UNC13B: variants seen among roughly 807,000 people sequenced by gnomAD.
UNC13B encodes the protein protein unc-13 homolog B.
UNC13B carries 144 observed loss-of-function variants against 211.0 expected under a neutral mutation model. That is an observed-to-expected ratio of 0.68 (90% CI 0.60 to 0.78). UNC13B has a LOEUF of 0.78. UNC13B is among the 30% of genes least tolerant of loss of function. The pLI is 0.00. For synonymous variants in UNC13B, 709 were observed against 725.8 expected (o/e 0.98, Z 0.37); for missense variants, 1,777 against 2,002.0 (o/e 0.89, Z 2.14).
Position 35,339,455 on chromosome 9 carries a change from T to G in UNC13B, c.9414+25466T>G, listed in dbSNP as rs568076762. Among the ~76,000 whole-genome samples the G allele has an allele frequency of 5.3e-5, 8 of 152,364 alleles. No homozygotes were observed. In the East Asian group the frequency reaches 1.5e-3, roughly 29 times the overall value. Reference sequence around the variant, plus strand: ...GAGCTAGTCCACTGAGGAGTCCTGATGTCCTTTGGCCATGTGGTGTCTGGC... The same window carrying G: ...GAGCTAGTCCACTGAGGAGTCCTGAGGTCCTTTGGCCATGTGGTGTCTGGC... On this transcript the variant is annotated intron_variant, in intron 11 of 39. Transcript: ENST00000635942.
chr9:35,404,030 C>G lies in UNC13B; in HGVS notation c.13020C>G (p.Ser4340Arg). 2 of 1,612,056 alleles carry G rather than the reference C, an allele frequency of 1.2e-6. No homozygotes were observed. Among genetic ancestry groups the G allele is most frequent in the Non-Finnish European group, 1.7e-6 (2 of 1,179,248 alleles). ...AGTCTCGTTCCACGGAGGAGGGGAG[C>G]TGAACACCTTCGACTCCTGTGCCAA... ...KSESRSTEEGS is the reference protein window; with the variant it reads ...KSESRSTEEGR The change falls in exon 40 of 40, where the codon AGC becomes AGG. Residue 4340 changes from serine to arginine, a missense_variant. Transcript: ENST00000635942.
At chr9:35,257,642 TTGCTAG>T in intron 6 of UNC13B, among the ~76,000 whole-genome samples, 1 of 150,092 alleles carries the variant, frequency 6.7e-6, no homozygotes, top group Admixed American at 6.7e-5. Context: ...ATTGGCAATT[TTGCTAG>T]TGCTATCATA....
chr9:35,327,345 A>G (rs1831074506), intron 11 of UNC13B, among the ~76,000 whole-genome samples: 1 of 152,190 alleles, frequency 6.6e-6, no homozygotes, highest in South Asian at 2.1e-4. Flanking sequence ...GAGAGGAGCC[A>G]GTAGAGGCTC....
At chr9:35,382,311 G>A (rs1834899377) in intron 20 of UNC13B, 46 bp from the exon 21 acceptor site, 2 of 1,566,196 alleles carry the variant, frequency 1.3e-6, no homozygotes, top group African/African-American at 2.7e-5. Context: ...GGCTTTTGCT[G>A]CAAGCCCTGA....
At position 35,376,154 on chromosome 9, in the gene UNC13B, T is replaced by TGGGGCATTGCCCGGC; in HGVS notation, c.9743_9757dup (p.Arg3252_Gln3253insArgGlyIleAlaArg). The stretch of plus-strand genomic sequence containing the variant: ...CTGCTATGAGTGTGAAGGCCTGCTC[T>TGGGGCATTGCCCGGC]GGGGCATTGCCCGGCAGGGCATGCG... On this transcript the variant is annotated inframe_insertion, in exon 15 of 40. Coordinates refer to ENST00000635942, the MANE Select transcript of UNC13B (RefSeq NM_001371189.2). The TGGGGCATTGCCCGGC allele has an allele frequency of 6.2e-7, 1 of 1,614,258 alleles. No individual in the cohort carries two copies. Among genetic ancestry groups the TGGGGCATTGCCCGGC allele is most frequent in the Non-Finnish European group, 8.5e-7 (1 of 1,180,046 alleles).
intron 11 of UNC13B, among the ~76,000 whole-genome samples, chr9:35,355,734 T>C (rs1037998860): frequency 6.6e-6 from 1 of 152,256 alleles, no homozygotes; most frequent in African/African-American, 2.4e-5. Context: ...TCTGAGGCAG[T>C]AATTTCTCAG....
In UNC13B at chr9:35,162,298, C is replaced by G; in HGVS notation, c.15C>G (p.Cys5Trp). The stretch of plus-strand genomic sequence containing the variant: ...GATCCTCGGCCATGTCACTGCTCTG[C>G]GTGCGCGGTGAGTGCGCGGACTGAG... MSLL[C>W]VRVKRAKFQG... is the part of the protein sequence containing the mutation. The change falls in exon 1 of 40, where the codon TGC (cysteine) becomes TGG (tryptophan). Residue 5 changes from cysteine (C) to tryptophan (W), a missense_variant. Cys to Trp is a radical substitution (Grantham distance 215). Transcript: ENST00000635942. The G allele has an allele frequency of 6.5e-7, 1 of 1,542,852 alleles. No individual in the cohort carries two copies. Among genetic ancestry groups the G allele is most frequent in the Non-Finnish European group, 8.7e-7 (1 of 1,149,124 alleles).
At chr9:35,351,819 C>T in intron 11 of UNC13B, 1 of 1,232,266 alleles carries the variant, frequency 8.1e-7, no homozygotes, top group Non-Finnish European at 1.0e-6. Flanking sequence ...GGGTCTGGTT[C>T]TCAGGATCCC....
At chr9:35,211,738 T>A (rs1317014918) in intron 1 of UNC13B, among the ~76,000 whole-genome samples, 2 of 152,236 alleles carry the variant, frequency 1.3e-5, no homozygotes, top group Non-Finnish European at 2.9e-5. Flanking sequence ...TCCCTCATCA[T>A]TACGGCTTAT....
At chr9:35,364,430 C>A in intron 11 of UNC13B, 1 of 1,159,504 alleles carries the variant, frequency 8.6e-7, no homozygotes, top group Non-Finnish European at 1.2e-6. Flanking sequence ...CCGAGGACCT[C>A]TCCCTCTCTT....
chr9:35,340,239 G>A (rs1391689209), intron 11 of UNC13B, among the ~76,000 whole-genome samples: 1 of 152,146 alleles, frequency 6.6e-6, no homozygotes, highest in Non-Finnish European at 1.5e-5. Flanking sequence ...TCCCAACTAG[G>A]TTAGGAGGTA....
intron 7 of UNC13B, among the ~76,000 whole-genome samples, chr9:35,271,829 G>A (rs1827897768): frequency 6.6e-6 from 1 of 152,172 alleles, no homozygotes; most frequent in African/African-American, 2.4e-5. Context: ...ACGAAGGTTT[G>A]GTGAGATGAC....
intron 1 of UNC13B, among the ~76,000 whole-genome samples, chr9:35,226,353 GGTGTGT>G (rs142509730): frequency 2.0e-5 from 3 of 150,442 alleles, no homozygotes; most frequent in Admixed American, 1.3e-4. Flanking sequence ...GAACTGATAG[GGTGTGT>G]GTGTGTGTGT....
intron 7 of UNC13B, among the ~76,000 whole-genome samples, chr9:35,279,072 C>G (rs926313890): frequency 6.6e-6 from 1 of 151,978 alleles, no homozygotes; most frequent in Non-Finnish European, 1.5e-5. Flanking sequence ...TAAAATAAAC[C>G]ATTTTAAATA....
Position 35,398,302 on chromosome 9 carries a change from T to G in UNC13B, c.11832+14T>G. ...GGAGGCAAGGAGGTAGGTCTTAGGGTTTGGGAGTCACTGTATTTTCCCTTT... is the reference window on the plus strand; with the variant it reads ...GGAGGCAAGGAGGTAGGTCTTAGGGGTTGGGAGTCACTGTATTTTCCCTTT... On this transcript the variant is annotated intron_variant, in intron 31 of 39. Coordinates refer to ENST00000635942, the MANE Select transcript of UNC13B (RefSeq NM_001371189.2). 6.2e-7 allele frequency: 1 copy of G among 1,610,238 alleles called. No homozygotes were observed. Among genetic ancestry groups the G allele is most frequent in the East Asian group, 2.2e-5 (1 of 44,750 alleles).
chr9:35,202,040 C>G (rs888772670), intron 1 of UNC13B, among the ~76,000 whole-genome samples: 1 of 152,116 alleles, frequency 6.6e-6, no homozygotes, highest in Non-Finnish European at 1.5e-5. Context: ...TATGTTGTGT[C>G]TTTGTTCCAT....
In UNC13B at chr9:35,301,670, C is replaced by T. The variant is rs1434033788; in HGVS notation, c.2266C>T (p.Leu756Phe). The T allele has an allele frequency of 5.0e-6, 2 of 398,714 alleles. No homozygotes were observed. The highest frequency in any genetic ancestry group is 3.6e-5 in the East Asian group (1 of 28,074). 24.7% of individuals were successfully genotyped at this position (398,714 alleles called of 1,614,324 possible). Residue 756 changes from leucine to phenylalanine, a missense_variant, in exon 9 of 40, where the codon CTC becomes TTC. Transcript: ENST00000635942. ...TGATGAGAGTCTATTGGAAGAAAAACTCTGTATAGATCTGTCTCTTTTACC... is the reference window on the plus strand; with the variant it reads ...TGATGAGAGTCTATTGGAAGAAAAATTCTGTATAGATCTGTCTCTTTTACC... ...KNDESLLEEK[L>F]CIDLSLLPDQ...
intron 1 of UNC13B, among the ~76,000 whole-genome samples, chr9:35,201,627 GTGTTTATA>G (rs2131377405): frequency 6.6e-6 from 1 of 152,280 alleles, no homozygotes; most frequent in East Asian, 1.9e-4. Context: ...TTGCATAGAG[GTGTTTATA>G]TTATTCTCTG....
chr9:35,378,567 C>G, intron 17 of UNC13B, 131 bp downstream of exon 17: 12 of 1,183,936 alleles, frequency 1.0e-5, no homozygotes, highest in Non-Finnish European at 1.5e-5. Flanking sequence ...TCGCATGCTT[C>G]GTTCAGACAT....
Sources: allele counts gnomAD v4.1 joint callset (sites outside exome capture counted in the v4.1 genomes callset), GRCh38; gene constraint gnomAD v4.1.1; transcripts MANE v1.5; gene names NCBI Gene and HGNC (gene_info 2026-07-23, HGNC 2026-07-21).